Variants in NCKAP5 observed in about 807,000 individuals in gnomAD.
NCKAP5 encodes nck-associated protein 5.
In NCKAP5, 92 loss-of-function variants were observed where a neutral mutation model predicts 167.0. That is an observed-to-expected ratio of 0.55 (90% CI 0.47 to 0.66). The LOEUF is 0.66. Ranked by LOEUF, NCKAP5 falls within the 30% of genes least tolerant of loss-of-function variation. The pLI, the probability that NCKAP5 is intolerant of heterozygous loss-of-function variation, is 0.00. For synonymous variants in NCKAP5, 891 were observed against 877.4 expected, an observed-to-expected ratio of 1.02 and a Z score of -0.27; for missense variants, 2,378 against 2,315.0, an observed-to-expected ratio of 1.03 and a Z score of -0.56.
At chr2:133,429,666 T>G (rs1397173542) in intron 3 of NCKAP5, among the ~76,000 whole-genome samples, 1 of 150,808 alleles carries the variant, frequency 6.6e-6, no homozygotes, top group Non-Finnish European at 1.5e-5. Flanking sequence ...TATGGCTGCA[T>G]AGTATTCCAC....
At chr2:133,473,479 T>C (rs1174150502) in intron 3 of NCKAP5, among the ~76,000 whole-genome samples, 3 of 152,180 alleles carry the variant, frequency 2.0e-5, no homozygotes, top group Non-Finnish European at 4.4e-5. Context: ...GTAGGTTTCA[T>C]GGGGTTGTGA....
rs567097562 is a variant in NCKAP5, at chr2:133,449,336, C to T, written c.69+68122G>A. Among the ~76,000 whole-genome samples the T allele has an allele frequency of 3.9e-5, 6 of 152,212 alleles. No individual in the cohort carries two copies. In the South Asian group the frequency reaches 1.2e-3, roughly 32 times the overall value. ...CCTTTTTCCTTCACTTTTAGCAAAA[C>T]GATTTAGAGCTCTTGTACCTTGGGC... On this transcript the variant is annotated intron_variant, in intron 3 of 19. Transcript: ENST00000409261.
chr2:133,315,292 G>A (rs766495808), intron 3 of NCKAP5, among the ~76,000 whole-genome samples: 1 of 152,112 alleles, frequency 6.6e-6, no homozygotes, highest in African/African-American at 2.4e-5. Context: ...GATCTGTTTC[G>A]AAGATGGAGG....
intron 8 of NCKAP5, among the ~76,000 whole-genome samples, chr2:132,900,323 G>GA (rs921883095): frequency 1.3e-5 from 2 of 152,048 alleles, no homozygotes; most frequent in African/African-American, 4.8e-5. Flanking sequence ...CTCAACCTGT[G>GA]AAAAAAATGC....
intron 11 of NCKAP5, among the ~76,000 whole-genome samples, chr2:132,855,971 T>C (rs937857739): frequency 6.6e-6 from 1 of 152,162 alleles, no homozygotes; most frequent in Non-Finnish European, 1.5e-5. Context: ...AAGACCATCC[T>C]GGCTAACACA....
At chr2:132,690,544 G>C (rs527651087) in intron 19 of NCKAP5, among the ~76,000 whole-genome samples, 2 of 152,180 alleles carry the variant, frequency 1.3e-5, no homozygotes, top group Non-Finnish European at 2.9e-5. Context: ...GCTCTTGCTT[G>C]TATCAATTAG....
chr2:133,090,888 T>C (rs2081156834), intron 6 of NCKAP5, among the ~76,000 whole-genome samples: 1 of 152,172 alleles, frequency 6.6e-6, no homozygotes, highest in African/African-American at 2.4e-5. Context: ...ACCTCGCTGA[T>C]GTGGTTTGGG....
intron 3 of NCKAP5, among the ~76,000 whole-genome samples, chr2:133,473,353 T>A (rs1483075823): frequency 6.6e-6 from 1 of 152,018 alleles, no homozygotes; most frequent in Non-Finnish European, 1.5e-5. Flanking sequence ...AATTAATTAA[T>A]TTAGCTTTTT....
At chr2:133,424,588 T>G (rs1003943389) in intron 3 of NCKAP5, among the ~76,000 whole-genome samples, 2 of 152,326 alleles carry the variant, frequency 1.3e-5, no homozygotes, top group East Asian at 3.9e-4. Flanking sequence ...GAGATTTGAC[T>G]TTTTGTGTGG....
chr2:132,785,437 C>T lies in NCKAP5; in HGVS notation c.1374G>A (p.Gly458=), dbSNP rs1251295796. The change falls in exon 14 of 20, where the codon GGG becomes GGA. Residue 458 remains glycine (G), a synonymous_variant. Transcript: ENST00000409261. ...TCTTGTGGGGTTCCTTGCAGGGGCT[C>T]CCCAGGTCAGCTGTTTTGCAGGGGG... ...EYPPCKTADL[G]SPCKEPHKTF... 1 of 1,613,770 alleles carries T rather than the reference C, an allele frequency of 6.2e-7. No homozygotes were observed. The highest frequency in any genetic ancestry group is 2.2e-5 in the East Asian group (1 of 44,872).
At chr2:132,970,599 A>G (rs921564500) in intron 7 of NCKAP5, among the ~76,000 whole-genome samples, 23 of 152,308 alleles carry the variant, frequency 1.5e-4, no homozygotes, top group African/African-American at 4.8e-4. Context: ...AAGATTTAGG[A>G]GCTCAGTTTG....
In NCKAP5 at chr2:133,490,005, G is replaced by A. The variant is rs540865195; in HGVS notation, c.69+27453C>T. 4.6e-5 allele frequency among the ~76,000 whole-genome samples: 7 copies of A among 152,292 alleles called. No individual in the cohort carries two copies. In the East Asian group the frequency reaches 1.2e-3, roughly 25 times the overall value. On this transcript the variant is annotated intron_variant, in intron 3 of 19. Transcript: ENST00000409261. ...CAAAGGTGGTTGTGGAGAGGGCTGA[G>A]GGGAAATAGGCTCAGGATGCTGACA... is the stretch of plus-strand genomic sequence containing the variant.
At chr2:132,771,425 C>T (rs1057312056) in intron 16 of NCKAP5, among the ~76,000 whole-genome samples, 41 of 152,006 alleles carry the variant, frequency 2.7e-4, no homozygotes, top group Admixed American at 2.1e-3. Flanking sequence ...AAAGTCAAAA[C>T]GTTAAAAATT....
At chr2:133,520,162 G>A (rs1361251778) in intron 2 of NCKAP5, among the ~76,000 whole-genome samples, 1 of 152,222 alleles carries the variant, frequency 6.6e-6, no homozygotes, top group Non-Finnish European at 1.5e-5. Flanking sequence ...CTGCACTCCA[G>A]CCTGGCTGGC....
chr2:133,440,156 T>C (rs1334304875), intron 3 of NCKAP5, among the ~76,000 whole-genome samples: 2 of 152,184 alleles, frequency 1.3e-5, no homozygotes, highest in African/African-American at 4.8e-5. Flanking sequence ...AGGAGCTTGA[T>C]TGGTACTTCT....
At chr2:133,184,764 T>A (rs1233649087) in intron 5 of NCKAP5, among the ~76,000 whole-genome samples, 1 of 152,186 alleles carries the variant, frequency 6.6e-6, no homozygotes, top group Non-Finnish European at 1.5e-5. Context: ...CCATGTATTC[T>A]TTTGAGAAGT....
At chr2:132,867,439 G>A (rs1690443763) in intron 10 of NCKAP5, among the ~76,000 whole-genome samples, 1 of 152,176 alleles carries the variant, frequency 6.6e-6, no homozygotes, top group Non-Finnish European at 1.5e-5. Context: ...TTTCAGCTGG[G>A]CACACACCCA....
At chr2:133,462,897 T>A (rs1368643670) in intron 3 of NCKAP5, among the ~76,000 whole-genome samples, 1 of 152,192 alleles carries the variant, frequency 6.6e-6, no homozygotes, top group Non-Finnish European at 1.5e-5. Flanking sequence ...CCGGCCCTAC[T>A]CCTGCTGAGC....
intron 8 of NCKAP5, among the ~76,000 whole-genome samples, chr2:132,952,195 G>A (rs72850174): frequency 0.021 from 3,136 of 152,018 alleles, 46 homozygotes; most frequent in Admixed American, 0.032. Flanking sequence ...ATTATCTCTG[G>A]GAACATTTAA....
Sources: allele counts gnomAD v4.1 joint callset (sites outside exome capture counted in the v4.1 genomes callset), GRCh38; gene constraint gnomAD v4.1.1; transcripts MANE v1.5; gene names NCBI Gene and HGNC (gene_info 2026-07-23, HGNC 2026-07-21).